NEGR1: variants seen among roughly 807,000 people sequenced by gnomAD.
NEGR1 encodes neuronal growth regulator 1.
NEGR1 carries 10 observed loss-of-function variants against 40.9 expected under a neutral mutation model. That is an observed-to-expected ratio of 0.24 (90% CI 0.15 to 0.42). The LOEUF (loss-of-function observed/expected upper bound fraction) is 0.42, where lower values mean the gene tolerates loss of function less well. NEGR1 is among the 10% of genes least tolerant of loss of function. NEGR1 has a pLI of 1.00. For synonymous variants in NEGR1, 185 were observed against 166.8 expected (o/e 1.11, Z -0.84); for missense variants, 352 against 438.9 (o/e 0.80, Z 1.77).
At chr1:72,145,574 T>C (rs1650875696) in intron 1 of NEGR1, among the ~76,000 whole-genome samples, 1 of 152,132 alleles carries the variant, frequency 6.6e-6, no homozygotes, top group Non-Finnish European at 1.5e-5. Context: ...TGAAATGGGT[T>C]GTTTTGGTGT....
At chr1:71,957,607 T>G (rs2100288660) in intron 1 of NEGR1, among the ~76,000 whole-genome samples, 1 of 152,286 alleles carries the variant, frequency 6.6e-6, no homozygotes, top group East Asian at 1.9e-4. Flanking sequence ...AAAGATTAAC[T>G]TTTTGTGAGC....
At chr1:71,800,205 T>C (rs936813341) in intron 2 of NEGR1, among the ~76,000 whole-genome samples, 1 of 152,226 alleles carries the variant, frequency 6.6e-6, no homozygotes, top group African/African-American at 2.4e-5. Flanking sequence ...TTTGTTTTTT[T>C]CTTGTAAATT....
intron 1 of NEGR1, among the ~76,000 whole-genome samples, chr1:72,250,417 A>T (rs894898674): frequency 3.9e-5 from 6 of 152,160 alleles, no homozygotes; most frequent in African/African-American, 1.4e-4. Flanking sequence ...GCATATTATG[A>T]TATAATATGT....
At chr1:72,276,770 T>A (rs1656062249) in intron 1 of NEGR1, among the ~76,000 whole-genome samples, 1 of 152,134 alleles carries the variant, frequency 6.6e-6, no homozygotes, top group Non-Finnish European at 1.5e-5. Context: ...TCACAAAAAC[T>A]ACCACTTTTC....
At chr1:71,578,389 T>C (rs1173314147) in intron 6 of NEGR1, among the ~76,000 whole-genome samples, 2 of 152,168 alleles carry the variant, frequency 1.3e-5, no homozygotes, top group Non-Finnish European at 2.9e-5. Flanking sequence ...TAGTAATTCA[T>C]TGGATAGAAC....
At chr1:71,759,806 C>G (rs974739212) in intron 3 of NEGR1, among the ~76,000 whole-genome samples, 3 of 151,270 alleles carry the variant, frequency 2.0e-5, no homozygotes, top group African/African-American at 4.9e-5. Context: ...GACGGGGTTT[C>G]GGCATGTCAC....
At chr1:72,083,845 TG>T (rs1387048152) in intron 1 of NEGR1, among the ~76,000 whole-genome samples, 1 of 152,130 alleles carries the variant, frequency 6.6e-6, no homozygotes, top group East Asian at 1.9e-4. Flanking sequence ...ATCAACGTTC[TG>T]CCCCAGAGTG....
At chr1:72,199,304 A>C (rs1313729423) in intron 1 of NEGR1, among the ~76,000 whole-genome samples, 1 of 151,980 alleles carries the variant, frequency 6.6e-6, no homozygotes, top group East Asian at 1.9e-4. Flanking sequence ...GGTACTATTT[A>C]TATGCTTATC....
At chr1:71,771,699 C>CAAAAAAAAAAAAAAAAAA (rs60830449) in intron 3 of NEGR1, among the ~76,000 whole-genome samples, 1 of 12,088 alleles carries the variant, frequency 8.3e-5, no homozygotes, top group African/African-American at 2.3e-4. Context: ...GACTTAGTCT[C>CAAAAAAAAAAAAAAAAAA]AAAAAAAAAA....
chr1:71,746,889 T>C (rs763545561), intron 3 of NEGR1, among the ~76,000 whole-genome samples: 5 of 152,210 alleles, frequency 3.3e-5, no homozygotes, highest in Admixed American at 2.0e-4. Flanking sequence ...CAAATGCCTT[T>C]CAGGCAGCCT....
chr1:72,140,941 A>G (rs1410058054), intron 1 of NEGR1, among the ~76,000 whole-genome samples: 9 of 152,104 alleles, frequency 5.9e-5, no homozygotes, highest in Admixed American at 5.9e-4. Context: ...GAAAATTTAT[A>G]TAGCATTACC....
rs192479171 is a variant in NEGR1 at position 72,012,964 on chromosome 1, T to C, written c.177-77653A>G. On this transcript the variant is annotated intron_variant, in intron 1 of 6. Transcript: ENST00000357731. ...TCTGAAGGTTTGCTGAAAAACCAAC[T>C]GGAAAAAAAAACAGATTAATAGGAG... is the stretch of plus-strand genomic sequence containing the variant. Among the ~76,000 whole-genome samples the C allele has an allele frequency of 2.7e-4, 41 of 149,174 alleles. No homozygotes were observed. In the Middle Eastern group the frequency reaches 0.01, roughly 38 times the overall value.
At chr1:71,569,620 A>G (rs1227030773) in intron 6 of NEGR1, among the ~76,000 whole-genome samples, 1 of 152,196 alleles carries the variant, frequency 6.6e-6, no homozygotes, top group African/African-American at 2.4e-5. Flanking sequence ...AAGCATGACA[A>G]TTCAGTTTTG....
At chr1:71,945,553 A>G (rs1395895694) in intron 1 of NEGR1, among the ~76,000 whole-genome samples, 1 of 152,140 alleles carries the variant, frequency 6.6e-6, no homozygotes, top group African/African-American at 2.4e-5. Flanking sequence ...GCTAATTGTC[A>G]TATGTAAAAG....
intron 1 of NEGR1, among the ~76,000 whole-genome samples, chr1:72,222,272 C>G (rs569566847): frequency 2.0e-5 from 3 of 152,314 alleles, no homozygotes; most frequent in African/African-American, 7.2e-5. Flanking sequence ...AGGTCTACCC[C>G]AGTGGGCACC....
At chr1:72,051,880 G>T (rs973352991) in intron 1 of NEGR1, among the ~76,000 whole-genome samples, 2 of 151,456 alleles carry the variant, frequency 1.3e-5, no homozygotes, top group East Asian at 3.9e-4. Flanking sequence ...TATGCCAAGA[G>T]AATAGAAAGA....
At chr1:71,521,571 A>C (rs1647157511) in intron 6 of NEGR1, among the ~76,000 whole-genome samples, 1 of 152,008 alleles carries the variant, frequency 6.6e-6, no homozygotes. Flanking sequence ...ACTCAGTCCC[A>C]AACAAATGAA....
intron 1 of NEGR1, among the ~76,000 whole-genome samples, chr1:72,272,292 T>C (rs1655871221): frequency 6.6e-6 from 1 of 151,782 alleles, no homozygotes; most frequent in East Asian, 1.9e-4. Flanking sequence ...TCACTCAACA[T>C]TCAGGTTTTG....
chr1:71,739,957 C>T (rs1655163208), intron 3 of NEGR1, among the ~76,000 whole-genome samples: 1 of 152,248 alleles, frequency 6.6e-6, no homozygotes, highest in East Asian at 1.9e-4. Context: ...TGTACATTAC[C>T]ACTTCATGAC....
Sources: allele counts gnomAD v4.1 joint callset (sites outside exome capture counted in the v4.1 genomes callset), GRCh38; gene constraint gnomAD v4.1.1; transcripts MANE v1.5; gene names NCBI Gene and HGNC (gene_info 2026-07-23, HGNC 2026-07-21).